Variants in ADAM23 observed in about 807,000 individuals in gnomAD.
ADAM23 encodes disintegrin and metalloproteinase domain-containing protein 23.
Under a neutral mutation model 120.1 loss-of-function variants are expected in ADAM23, and 33 were observed. That is an observed-to-expected ratio of 0.27 (90% CI 0.21 to 0.37). The LOEUF is 0.37. Among genes scored for constraint, ADAM23 ranks in the 10% least tolerant of loss-of-function variants. ADAM23 has a pLI of 1.00. For synonymous variants in ADAM23, 367 were observed against 375.2 expected, an observed-to-expected ratio of 0.98 and a Z score of 0.25; for missense variants, 862 against 1,058.2, an observed-to-expected ratio of 0.81 and a Z score of 2.57.
At chr2:206,582,302 C>T (rs1698234652) in intron 18 of ADAM23, among the ~76,000 whole-genome samples, 1 of 152,198 alleles carries the variant, frequency 6.6e-6, no homozygotes, top group African/African-American at 2.4e-5. Flanking sequence ...TACTGTCCCT[C>T]TTTGTCTCTT....
chr2:206,609,661 G>A (rs927936546), intron 24 of ADAM23: 3 of 421,284 alleles, frequency 7.1e-6, no homozygotes, highest in East Asian at 1.1e-4. Context: ...TTCAAATTCT[G>A]TGAAAGGTGA....
intron 3 of ADAM23, among the ~76,000 whole-genome samples, chr2:206,486,565 A>C (rs1191483213): frequency 6.6e-6 from 1 of 152,106 alleles, no homozygotes; most frequent in Non-Finnish European, 1.5e-5. Context: ...TTTTCAGCAA[A>C]TGTTTACTGA....
Position 206,567,250 on chromosome 2 carries a change from G to A in ADAM23, c.1422G>A (p.Lys474=). 1 of 1,613,806 alleles carries A rather than the reference G, an allele frequency of 6.2e-7. No individual in the cohort carries two copies. The highest frequency in any genetic ancestry group is 8.5e-7 in the Non-Finnish European group (1 of 1,179,806). ...TGVSHSRKFS[K]CSILEYRDFL... ...TGTCCCATTCTCGAAAATTTTCAAA[G>A]TGCAGCATTTTGGAGTATAGAGACT... is the stretch of plus-strand genomic sequence containing the variant. Residue 474 remains lysine, a synonymous_variant, in exon 15 of 26, where the codon AAG becomes AAA. Transcript: ENST00000264377.
chr2:206,495,103 A>G (rs1172427521), intron 3 of ADAM23, among the ~76,000 whole-genome samples: 1 of 152,212 alleles, frequency 6.6e-6, no homozygotes, highest in Non-Finnish European at 1.5e-5. Context: ...GAACTTCCCC[A>G]ATCTAGCAAG....
intron 15 of ADAM23, among the ~76,000 whole-genome samples, chr2:206,569,042 G>C (rs1436522323): frequency 6.6e-6 from 1 of 152,162 alleles, no homozygotes; most frequent in Non-Finnish European, 1.5e-5. Context: ...AAATCCAAAA[G>C]CTTCAAAGTG....
intron 2 of ADAM23, 39 bp downstream of exon 2, chr2:206,445,563 A>T (rs765640159): frequency 6.5e-7 from 1 of 1,531,270 alleles, no homozygotes; most frequent in African/African-American, 1.4e-5. Context: ...AACTATCATG[A>T]AGAGTTTTCC....
intron 2 of ADAM23, among the ~76,000 whole-genome samples, chr2:206,469,549 T>C (rs1328382608): frequency 1.3e-5 from 2 of 152,218 alleles, no homozygotes; most frequent in African/African-American, 4.8e-5. Context: ...CTGACCACTT[T>C]AGTGCATAGT....
At chr2:206,498,694 T>G (rs991819621) in intron 3 of ADAM23, among the ~76,000 whole-genome samples, 5 of 152,190 alleles carry the variant, frequency 3.3e-5, no homozygotes, top group Admixed American at 3.3e-4. Flanking sequence ...CAAAAGAAAC[T>G]ACCATCAGAG....
chr2:206,496,669 A>C (rs55690966), intron 3 of ADAM23, among the ~76,000 whole-genome samples: 7,049 of 152,214 alleles, frequency 0.046, 229 homozygotes, highest in Middle Eastern at 0.11. Flanking sequence ...AACTGAAGGA[A>C]ATAGAGACAC....
chr2:206,566,001 T>G (rs1454764818), intron 14 of ADAM23, among the ~76,000 whole-genome samples: 1 of 152,102 alleles, frequency 6.6e-6, no homozygotes, highest in Non-Finnish European at 1.5e-5. Context: ...GTTTAAAACG[T>G]GAAACCCTTA....
chr2:206,490,697 T>C (rs1696115632), intron 3 of ADAM23, among the ~76,000 whole-genome samples: 1 of 152,160 alleles, frequency 6.6e-6, no homozygotes, highest in African/African-American at 2.4e-5. Flanking sequence ...TTGCTATGGA[T>C]TTTTCTCTCC....
In ADAM23 at chr2:206,581,947, G is replaced by A. The variant is rs528872079; in HGVS notation, c.1738-5378G>A. Among the ~76,000 whole-genome samples the A allele has an allele frequency of 7.2e-5, 11 of 151,868 alleles. No homozygotes were observed. The Middle Eastern group carries it at 0.01, about 142-fold the overall frequency. ...GGCTGGAGTGCAGTGGTGCGATCTC[G>A]GCTCACTGCAACCTCTGCCTCCCAG... On this transcript the variant is annotated intron_variant, in intron 18 of 25. Transcript: ENST00000264377.
intron 9 of ADAM23, among the ~76,000 whole-genome samples, chr2:206,555,371 CT>C (rs1697621908): frequency 1.3e-5 from 2 of 152,164 alleles, no homozygotes; most frequent in Admixed American, 1.3e-4. Flanking sequence ...CTTCCACATC[CT>C]ATACATCATC....
intron 18 of ADAM23, 83 bp from the exon 19 acceptor site, chr2:206,587,242 C>T: frequency 1.1e-6 from 1 of 951,126 alleles, no homozygotes; most frequent in Non-Finnish European, 1.6e-6. Flanking sequence ...ATATATCCAC[C>T]ATGCTTGCAT....
chr2:206,614,158 T>A (rs1177919222), intron 25 of ADAM23, among the ~76,000 whole-genome samples: 1 of 152,212 alleles, frequency 6.6e-6, no homozygotes, highest in African/African-American at 2.4e-5. Context: ...ATTAAAAGTG[T>A]TAATTTAATA....
chr2:206,480,461 CTTTT>C (rs112352748), intron 2 of ADAM23, among the ~76,000 whole-genome samples: 1 of 131,766 alleles, frequency 7.6e-6, no homozygotes, highest in African/African-American at 2.8e-5. Context: ...TAGCCTTGTT[CTTTT>C]TTTTTTTTTT....
At chr2:206,521,625 G>A (rs1696843932) in intron 3 of ADAM23, among the ~76,000 whole-genome samples, 1 of 152,138 alleles carries the variant, frequency 6.6e-6, no homozygotes, top group Non-Finnish European at 1.5e-5. Context: ...ATATGTGAAT[G>A]TATGTATATA....
Position 206,587,579 on chromosome 2 carries a change from A to AG in ADAM23, c.1788+205dup, listed in dbSNP as rs541093868. Among the ~76,000 whole-genome samples, 131 of 111,544 alleles carry AG rather than the reference A, an allele frequency of 1.2e-3. 4 individuals are homozygous for AG. In the South Asian group the frequency reaches 0.036, roughly 31 times the overall value. 73.2% of individuals were successfully genotyped at this position (111,544 alleles called of 152,430 possible). On this transcript the variant is annotated intron_variant, in intron 19 of 25. Coordinates refer to ENST00000264377, the MANE Select transcript of ADAM23 (RefSeq NM_003812.4). Reference sequence around the variant, plus strand: ...CTGGTGACAAATTGTCCAGATTAAGAGAAAAAAAAAAAGAATGTAATGGCT... The same window carrying AG: ...CTGGTGACAAATTGTCCAGATTAAGAGGAAAAAAAAAAAGAATGTAATGGCT...
At chr2:206,502,882 C>T (rs982561067) in intron 3 of ADAM23, among the ~76,000 whole-genome samples, 46 of 152,134 alleles carry the variant, frequency 3.0e-4, no homozygotes, top group African/African-American at 1.0e-3. Context: ...TTATATCTAA[C>T]CGTGGTAGAG....
Sources: allele counts gnomAD v4.1 joint callset (sites outside exome capture counted in the v4.1 genomes callset), GRCh38; gene constraint gnomAD v4.1.1; transcripts MANE v1.5; gene names NCBI Gene and HGNC (gene_info 2026-07-23, HGNC 2026-07-21).